SMC5: variants seen among roughly 807,000 people sequenced by gnomAD.
SMC5 encodes structural maintenance of chromosomes protein 5.
A neutral mutation model predicts 148.3 loss-of-function variants in SMC5; 88 were observed. The ratio of observed to expected loss-of-function variants is 0.59; its 90% confidence interval spans 0.50 to 0.71. The LOEUF (loss-of-function observed/expected upper bound fraction) is 0.71, where lower values mean the gene tolerates loss of function less well. SMC5 is among the 30% of genes least tolerant of loss of function. SMC5 has a pLI of 0.00. For missense variants in SMC5, 1,142 were observed against 1,298.9 expected, an observed-to-expected ratio of 0.88 and a Z score of 1.86; for synonymous variants, 421 against 432.8, an observed-to-expected ratio of 0.97 and a Z score of 0.34.
rs540220281 is a variant in SMC5, at chr9:70,286,400, G to A, written c.1053+129G>A. The stretch of plus-strand genomic sequence containing the variant: ...CTCTGCATTCTCTATTTCTTAATCC[G>A]AGGGAAAGTAAGATTTGGAAGTATA... On this transcript the variant is annotated intron_variant, in intron 8 of 24. Transcript: ENST00000361138. The A allele has an allele frequency of 2.8e-4, 170 of 600,792 alleles. No individual in the cohort carries two copies. The Middle Eastern group carries it at 4.9e-3, about 17-fold the overall frequency. The allele number at this position is 600,792 out of a possible 1,614,324, so 37.2% of individuals were successfully genotyped here. A position where few individuals can be genotyped will look rare whatever the true frequency, so the allele number is the denominator to read the frequency against.
At chr9:70,268,191 T>G (rs1564020813) in intron 3 of SMC5, among the ~76,000 whole-genome samples, 1 of 152,190 alleles carries the variant, frequency 6.6e-6, no homozygotes, top group Non-Finnish European at 1.5e-5. Flanking sequence ...ATGCCTGTAA[T>G]CTGAGCACTT....
At position 70,300,096 on chromosome 9, in the gene SMC5, G is replaced by C. The variant is rs775628286; in HGVS notation, c.1360G>C (p.Asp454His). The C allele has an allele frequency of 3.1e-6, 5 of 1,599,802 alleles. No homozygotes were observed. The highest frequency in any genetic ancestry group is 3.4e-6 in the Non-Finnish European group (4 of 1,176,322). Residue 454 changes from aspartate to histidine, a missense_variant, in exon 10 of 25, where the codon GAT becomes CAT. Transcript: ENST00000361138. Reference sequence around the variant, plus strand: ...TGACAATCTTATGAATCAGAAGGAAGATAAGCTAAGACAGAGATTCCGTGA... The same window carrying C: ...TGACAATCTTATGAATCAGAAGGAACATAAGCTAAGACAGAGATTCCGTGA... ...RFDNLMNQKE[D>H]KLRQRFRDTY...
intron 17 of SMC5, among the ~76,000 whole-genome samples, chr9:70,330,707 A>T (rs2036197124): frequency 6.6e-6 from 1 of 151,836 alleles, no homozygotes; most frequent in African/African-American, 2.4e-5. Context: ...ATGCCCTGCT[A>T]ATTTTTTTGT....
chr9:70,277,488 A>T lies in SMC5; in HGVS notation c.543+16A>T. ...TCTCCCTCAGGTATGAGAGAAATAA[A>T]TGTAAAGATGGGAAAATTTTGTATA... On this transcript the variant is annotated intron_variant, in intron 4 of 24. Transcript: ENST00000361138. The T allele has an allele frequency of 1.3e-6, 2 of 1,560,118 alleles. No individual in the cohort carries two copies. Among genetic ancestry groups the T allele is most frequent in the Non-Finnish European group, 1.7e-6 (2 of 1,158,420 alleles).
chr9:70,300,302 A>T, intron 10 of SMC5, 102 bp downstream of exon 10: 1 of 1,093,182 alleles, frequency 9.1e-7, no homozygotes, highest in Non-Finnish European at 1.3e-6. Flanking sequence ...GTTTTACATT[A>T]TCAGACTTGT....
intron 11 of SMC5, among the ~76,000 whole-genome samples, chr9:70,307,515 T>C (rs1472841232): frequency 2.6e-5 from 4 of 152,190 alleles, no homozygotes; most frequent in Non-Finnish European, 5.9e-5. Flanking sequence ...CTTTTTTTTT[T>C]TGAGACAGAG....
intron 3 of SMC5, among the ~76,000 whole-genome samples, chr9:70,273,458 A>G (rs1410514996): frequency 1.3e-5 from 2 of 151,782 alleles, no homozygotes; most frequent in Non-Finnish European, 2.9e-5. Flanking sequence ...TTTTCAATGA[A>G]CTAACTTTTG....
At chr9:70,291,232 C>G (rs2035052347) in intron 8 of SMC5, among the ~76,000 whole-genome samples, 1 of 152,156 alleles carries the variant, frequency 6.6e-6, no homozygotes, top group African/African-American at 2.4e-5. Flanking sequence ...CCTAAAATGC[C>G]TGTAACCCAT....
intron 1 of SMC5, among the ~76,000 whole-genome samples, chr9:70,260,895 A>C (rs79080913): frequency 0.034 from 5,206 of 152,226 alleles, 123 homozygotes; most frequent in Non-Finnish European, 0.054. Context: ...GGCGCGTACC[A>C]TACCTGGCTA....
chr9:70,325,126 T>C (rs1242363519), intron 17 of SMC5, among the ~76,000 whole-genome samples: 1 of 152,218 alleles, frequency 6.6e-6, no homozygotes, highest in Non-Finnish European at 1.5e-5. Flanking sequence ...ATCATGTGGC[T>C]CAAAGACATG....
chr9:70,348,220 G>A (rs1359180114), intron 22 of SMC5, among the ~76,000 whole-genome samples, 182 bp downstream of exon 22: 1 of 151,930 alleles, frequency 6.6e-6, no homozygotes, highest in African/African-American at 2.4e-5. Context: ...TTTTGGGGGG[G>A]GTTATGTTTG....
intron 1 of SMC5, among the ~76,000 whole-genome samples, chr9:70,261,108 G>A (rs912458268): frequency 5.9e-5 from 9 of 152,172 alleles, no homozygotes; most frequent in Non-Finnish European, 8.8e-5. Context: ...AAATAGTTTG[G>A]TATATTTAGA....
intron 15 of SMC5, among the ~76,000 whole-genome samples, chr9:70,319,204 A>C (rs1259237862): frequency 6.6e-6 from 1 of 152,196 alleles, no homozygotes; most frequent in African/African-American, 2.4e-5. Flanking sequence ...AAAATTAATG[A>C]GGACCTTGAA....
At chr9:70,337,518 C>G (rs1272432010) in intron 17 of SMC5, among the ~76,000 whole-genome samples, 1 of 138,826 alleles carries the variant, frequency 7.2e-6, no homozygotes, top group Non-Finnish European at 1.5e-5. Context: ...TGCAGTGGCA[C>G]AATCTCAGCT....
intron 15 of SMC5, 75 bp from the exon 16 acceptor site, chr9:70,323,401 AGAAAACT>A: frequency 5.8e-6 from 8 of 1,390,554 alleles, no homozygotes; most frequent in Non-Finnish European, 7.7e-6. Context: ...AATATATCCC[AGAAAACT>A]GGGGGGGACC....
intron 11 of SMC5, among the ~76,000 whole-genome samples, chr9:70,307,559 A>G (rs2035537923): frequency 6.6e-6 from 1 of 151,760 alleles, no homozygotes; most frequent in South Asian, 2.1e-4. Flanking sequence ...CTGGAGTGCA[A>G]TGGCACGCTC....
chr9:70,288,358 T>A (rs1199338875), intron 8 of SMC5, among the ~76,000 whole-genome samples: 1 of 152,168 alleles, frequency 6.6e-6, no homozygotes, highest in Non-Finnish European at 1.5e-5. Context: ...TCTCTTCCTA[T>A]CACTGATATT....
chr9:70,277,456 G>A lies in SMC5; in HGVS notation c.527G>A (p.Cys176Tyr). ...AALNIQVGNL[C>Y]QFLPQDKVGE... ...TTAAATATTCAAGTGGGGAATCTTT[G>A]CCAGTTTCTCCCTCAGGTATGAGAG... The change falls in exon 4 of 25, where the codon TGC becomes TAC. Residue 176 changes from cysteine to tyrosine, a missense_variant. By Grantham distance (194) the Cys-to-Tyr change is radical. Around this residue, in one of 5 missense-constraint regions of SMC5, gnomAD observed 297 missense variants for 302.6 expected, o/e 0.98. Coordinates refer to ENST00000361138, the MANE Select transcript of SMC5 (RefSeq NM_015110.4). 6.3e-7 allele frequency: 1 copy of A among 1,589,704 alleles called. No homozygotes were observed. Among genetic ancestry groups the A allele is most frequent in the African/African-American group, 1.4e-5 (1 of 73,414 alleles).
At chr9:70,335,267 G>A (rs998282300) in intron 17 of SMC5, among the ~76,000 whole-genome samples, 5 of 152,156 alleles carry the variant, frequency 3.3e-5, no homozygotes, top group Non-Finnish European at 7.4e-5. Context: ...CAAGGCAGGA[G>A]AATCATGCCC....
Sources: gnomAD v4.1 joint callset for allele counts (sites outside exome capture counted in the v4.1 genomes callset) on GRCh38, gnomAD v4.1.1 for gene constraint, gnomAD v4.1.1 regional missense constraint, MANE v1.5 for transcripts, NCBI Gene and HGNC (gene_info 2026-07-23, HGNC 2026-07-21) for gene names.